FRYL: variants seen among roughly 807,000 people sequenced by gnomAD.
The protein encoded by FRYL is protein furry homolog-like.
In FRYL, 150 loss-of-function variants were observed where a neutral mutation model predicts 351.2. The ratio of observed to expected loss-of-function variants is 0.43; its 90% CI spans 0.37 to 0.49. The LOEUF is 0.49. Among genes scored for constraint, FRYL ranks in the 20% least tolerant of loss-of-function variants. The pLI, the probability that FRYL is intolerant of heterozygous loss-of-function variation, is 0.00. For missense variants in FRYL, 3,036 were observed against 3,619.3 expected (o/e 0.84, Z 4.13); for synonymous variants, 1,153 against 1,257.1 (o/e 0.92, Z 1.75).
chr4:48,529,088 C>T (rs1726946121), intron 50 of FRYL, among the ~76,000 whole-genome samples: 1 of 152,150 alleles, frequency 6.6e-6, no homozygotes, highest in South Asian at 2.1e-4. Flanking sequence ...GTTTTCCAAA[C>T]ACACCATGCT....
At chr4:48,544,246 C>A (rs1032803459) in intron 43 of FRYL, among the ~76,000 whole-genome samples, 1 of 152,136 alleles carries the variant, frequency 6.6e-6, no homozygotes, top group Non-Finnish European at 1.5e-5. Context: ...CCAGAAAATT[C>A]TTTGCTGGAA....
At chr4:48,698,708 T>TAGA (rs1472191006) in intron 2 of FRYL, among the ~76,000 whole-genome samples, 1 of 152,136 alleles carries the variant, frequency 6.6e-6, no homozygotes, top group African/African-American at 2.4e-5. Flanking sequence ...GATGACCATA[T>TAGA]AGAACATGCC....
chr4:48,704,365 C>A (rs1767076924), intron 2 of FRYL, among the ~76,000 whole-genome samples: 1 of 152,158 alleles, frequency 6.6e-6, no homozygotes, highest in African/African-American at 2.4e-5. Context: ...GAGATTCCAT[C>A]TGACAAAACC....
intron 1 of FRYL, among the ~76,000 whole-genome samples, chr4:48,779,053 CCCA>C (rs1384482416): frequency 6.6e-6 from 1 of 151,100 alleles, no homozygotes; most frequent in Non-Finnish European, 1.5e-5. Flanking sequence ...GATTAATGCT[CCCA>C]TATCATTGCA....
Position 48,595,835 on chromosome 4 carries a change from A to G in FRYL, c.1139+62T>C, listed in dbSNP as rs1744477396. 21 of 1,189,502 alleles carry G rather than the reference A, an allele frequency of 1.8e-5. 1 individual carries two copies. In the South Asian group the frequency reaches 2.9e-4, roughly 17 times the overall value. The allele number at this position is 1,189,502 out of a possible 1,614,324, so 73.7% of individuals were successfully genotyped here. On this transcript the variant is annotated intron_variant, in intron 14 of 63. Transcript: ENST00000358350. Reference sequence around the variant, plus strand: ...AGTATAATGTTTACTAAAATTCCCAATAGTGTGTTTTTTTAAAAACAAGAA... The same window carrying G: ...AGTATAATGTTTACTAAAATTCCCAGTAGTGTGTTTTTTTAAAAACAAGAA...
chr4:48,739,421 A>AAAAAAAAAAT lies in FRYL; in HGVS notation c.-383-28724_-383-28723insATTTTTTTTT, dbSNP rs56312141. 1.7e-5 allele frequency among the ~76,000 whole-genome samples: 2 copies of AAAAAAAAAAT among 117,116 alleles called. 1 individual carries two copies. 76.8% of individuals were successfully genotyped at this position (117,116 alleles called of 152,430 possible). A position where few individuals can be genotyped will look rare whatever the true frequency, so the allele number is the denominator to read the frequency against. On this transcript the variant is annotated intron_variant, in intron 1 of 63. Coordinates refer to ENST00000358350, the MANE Select transcript of FRYL (RefSeq NM_015030.2). ...GTCTCAAAAAAAAAAAAAAAAAAAAACAACTAATCTTTGAAAATGGAGCAA... is the reference window on the plus strand; with the variant it reads ...GTCTCAAAAAAAAAAAAAAAAAAAAAAAAAAAAAATCAACTAATCTTTGAAAATGGAGCAA...
chr4:48,581,075 T>C, intron 21 of FRYL, 124 bp from the exon 22 acceptor site: 1 of 592,876 alleles, frequency 1.7e-6, no homozygotes, highest in African/African-American at 1.9e-5. Flanking sequence ...AGACGGAGTC[T>C]CGCTCTGTCA....
Position 48,567,415 on chromosome 4 carries a change from C to A in FRYL, c.3002G>T (p.Ser1001Ile), listed in dbSNP as rs1278350478. The stretch of plus-strand genomic sequence containing the variant: ...ATGTGTTTCATTATCAAGGCCACCA[C>A]TTGCACTGAAAATATTGAAGAAAAC... ...ADAGVISHSA[S>I]GGLDNETHFL... Residue 1001 changes from serine to isoleucine, a missense_variant, in exon 28 of 64, where the codon AGT becomes ATT. Ser to Ile is a moderately radical substitution (Grantham distance 142). Transcript: ENST00000358350. This position sits in a 1 kb window ranked among gnomAD's most constrained non-coding sequence, Gnocchi z 4.2. The A allele has an allele frequency of 6.3e-7, 1 of 1,594,442 alleles. No individual in the cohort carries two copies. The highest frequency in any genetic ancestry group is 1.2e-5 in the South Asian group (1 of 85,478).
intron 1 of FRYL, among the ~76,000 whole-genome samples, chr4:48,719,577 ATATAT>A (rs1468556006): frequency 6.6e-6 from 1 of 151,704 alleles, no homozygotes; most frequent in Non-Finnish European, 1.5e-5. Context: ...TGCCCAATAA[ATATAT>A]TATAAATTGA....
chr4:48,502,837 T>G lies in FRYL; in HGVS notation c.8472A>C (p.Glu2824Asp), dbSNP rs1388517558. Residue 2824 changes from glutamate (E) to aspartate (D), a missense_variant, in exon 61 of 64, where the codon GAA becomes GAC. Glu to Asp is a conservative substitution (Grantham distance 45). Coordinates refer to ENST00000358350, the MANE Select transcript of FRYL (RefSeq NM_015030.2). The stretch of plus-strand genomic sequence containing the variant: ...AAGACAGGTCACTTACTGCTAGTAT[T>G]TCCATTTGCTAAGCAAGAAGGTGAT... ...YRINTDAQQM[E>D]ILAELELCRR... 9 of 1,610,562 alleles carry G rather than the reference T, an allele frequency of 5.6e-6. No homozygotes were observed. The highest frequency in any genetic ancestry group is 7.6e-6 in the Non-Finnish European group (9 of 1,177,694).
At position 48,542,129 on chromosome 4, in the gene FRYL, G is replaced by GA; in HGVS notation, c.5593-9dup. On this transcript the variant is annotated splice_polypyrimidine_tract_variant and intron_variant, in intron 44 of 63. Coordinates refer to ENST00000358350, the MANE Select transcript of FRYL (RefSeq NM_015030.2). ...AAGCTCAATCACAAATCCCTGGGGG[G>GA]AAAAAGGCAGATTTTAATTAATTAT... is the stretch of plus-strand genomic sequence containing the variant. The GA allele has an allele frequency of 7.5e-6, 12 of 1,590,176 alleles. No individual in the cohort carries two copies. Among genetic ancestry groups the GA allele is most frequent in the Non-Finnish European group, 9.5e-6 (11 of 1,159,138 alleles).
At chr4:48,674,389 GC>G (rs1763214305) in intron 3 of FRYL, among the ~76,000 whole-genome samples, 1 of 152,034 alleles carries the variant, frequency 6.6e-6, no homozygotes, top group Admixed American at 6.6e-5. Flanking sequence ...GGATATTTAA[GC>G]ATTTCATGAA....
intron 1 of FRYL, among the ~76,000 whole-genome samples, chr4:48,757,576 C>A (rs1290438760): frequency 6.6e-6 from 1 of 151,984 alleles, no homozygotes; most frequent in Non-Finnish European, 1.5e-5. Context: ...GACCACTGCT[C>A]AATGAAATAA....
At position 48,533,140 on chromosome 4, in the gene FRYL, G is replaced by T. The variant is rs577729946; in HGVS notation, c.6705+1405C>A. Among the ~76,000 whole-genome samples, 5 of 152,140 alleles carry T rather than the reference G, an allele frequency of 3.3e-5. No homozygotes were observed. The South Asian group carries it at 1.0e-3, about 32-fold the overall frequency. On this transcript the variant is annotated intron_variant, in intron 49 of 63. Transcript: ENST00000358350. ...TAGCCACAAATCTATGCTCCTTCTG[G>T]TTATCTGCTTGTCCACTGGCAAGTT... is the stretch of plus-strand genomic sequence containing the variant.
At chr4:48,522,775 G>A (rs1725186950) in intron 54 of FRYL, 126 bp downstream of exon 54, 2 of 780,768 alleles carry the variant, frequency 2.6e-6, no homozygotes, top group Non-Finnish European at 4.6e-6. Context: ...CTCCATTAGT[G>A]TTGCAATCTT....
At chr4:48,605,882 A>T in intron 10 of FRYL, 49 bp from the exon 11 acceptor site, 1 of 1,123,986 alleles carries the variant, frequency 8.9e-7, no homozygotes, top group Non-Finnish European at 1.3e-6. Context: ...AGGAAAGGTT[A>T]AAGAATTTGT....
chr4:48,666,229 T>C (rs1761692548), intron 3 of FRYL, among the ~76,000 whole-genome samples: 1 of 152,066 alleles, frequency 6.6e-6, no homozygotes, highest in Non-Finnish European at 1.5e-5. Context: ...TAGCCAGGTA[T>C]GGTGGCACAC....
rs769734691 is a variant in FRYL, at chr4:48,502,861, A to T, written c.8464-16T>A. On this transcript the variant is annotated splice_polypyrimidine_tract_variant and intron_variant, in intron 60 of 63. Transcript: ENST00000358350. Reference sequence around the variant, plus strand: ...TTTCCATTTGCTAAGCAAGAAGGTGATCAGGTCACAAAAAATACAAAGGAA... The same window carrying T: ...TTTCCATTTGCTAAGCAAGAAGGTGTTCAGGTCACAAAAAATACAAAGGAA... 3 of 1,606,320 alleles carry T rather than the reference A, an allele frequency of 1.9e-6. No individual in the cohort carries two copies. The highest frequency in any genetic ancestry group is 2.6e-6 in the Non-Finnish European group (3 of 1,174,608).
chr4:48,519,219 C>T (rs1429981457), intron 55 of FRYL, among the ~76,000 whole-genome samples: 3 of 152,204 alleles, frequency 2.0e-5, no homozygotes, highest in Middle Eastern at 3.2e-3. Context: ...CTTCTCCTGT[C>T]TTGGATCCCA....
Sources: gnomAD v4.1 joint callset for allele counts (sites outside exome capture counted in the v4.1 genomes callset) on GRCh38, gnomAD v4.1.1 for gene constraint, Gnocchi (gnomAD v3.1) non-coding constraint, MANE v1.5 for transcripts, NCBI Gene and HGNC (gene_info 2026-07-23, HGNC 2026-07-21) for gene names.